Variants in ZBTB39 observed in about 807,000 individuals in gnomAD.
ZBTB39 encodes zinc finger and BTB domain-containing protein 39.
In ZBTB39, 25 loss-of-function variants were observed where a neutral mutation model predicts 39.4. The ratio of observed to expected loss-of-function variants is 0.63; its 90% confidence interval spans 0.46 to 0.89. The LOEUF (loss-of-function observed/expected upper bound fraction) is 0.89, where lower values mean the gene tolerates loss of function less well. ZBTB39 is among the 40% of genes least tolerant of loss of function. The pLI is 0.00. For synonymous variants in ZBTB39, 373 were observed against 359.6 expected (o/e 1.04, Z -0.42); for missense variants, 891 against 909.7 (o/e 0.98, Z 0.26).
At position 57,001,944 on chromosome 12, in the gene ZBTB39, A is replaced by C. The variant is rs1456494583; in HGVS notation, c.*835T>G. The C allele has an allele frequency of 6.6e-6, 1 of 152,522 alleles. No homozygotes were observed. Among genetic ancestry groups the C allele is most frequent in the African/African-American group, 2.4e-5 (1 of 41,388 alleles). The allele number at this position is 152,522 out of a possible 1,614,324, so 9.4% of individuals were successfully genotyped here. A position where few individuals can be genotyped will look rare whatever the true frequency, so the allele number is the denominator to read the frequency against. On this transcript the variant is annotated 3_prime_UTR_variant, in exon 2 of 2. Coordinates refer to ENST00000300101, the MANE Select transcript of ZBTB39 (RefSeq NM_014830.3). ...ACTCATGGCCAACAGAAGTGGCCAA[A>C]ACAGATGACTATATCAAAGTGGTTC... is the stretch of plus-strand genomic sequence containing the variant.
Position 57,003,884 on chromosome 12 carries a change from C to T in ZBTB39, c.1034G>A (p.Cys345Tyr). The T allele has an allele frequency of 6.2e-7, 1 of 1,614,232 alleles. No individual in the cohort carries two copies. Among genetic ancestry groups the T allele is most frequent in the Non-Finnish European group, 8.5e-7 (1 of 1,180,046 alleles). Residue 345 changes from cysteine (C) to tyrosine (Y), a missense_variant, in exon 2 of 2, where the codon TGC (cysteine) becomes TAC (tyrosine). By Grantham distance (194) the Cys-to-Tyr change is radical. Transcript: ENST00000300101. The surrounding 1 kb of genome is among the most constrained non-coding windows in gnomAD (Gnocchi z 4.8). The part of the protein sequence containing the change: ...NDNRENKAMP[C>Y]QVCKKVLEPN... ...CTCTAGAACTTTCTTGCACACCTGG[C>T]AGGGCATGGCCTTATTCTCCCGATT...
chr12:57,003,916 C>T lies in ZBTB39; in HGVS notation c.1002G>A (p.Glu334=). The T allele has an allele frequency of 6.2e-7, 1 of 1,614,226 alleles. No homozygotes were observed. Residue 334 remains glutamate, a synonymous_variant, in exon 2 of 2, where the codon GAG becomes GAA. Coordinates refer to ENST00000300101, the MANE Select transcript of ZBTB39 (RefSeq NM_014830.3). This position sits in a 1 kb window ranked among gnomAD's most constrained non-coding sequence, Gnocchi z 4.8. ...DDSEDELAFG[E]NDNRENKAMP... ...TGGCCTTATTCTCCCGATTGTCATTCTCTCCAAAAGCCAACTCATCCTCAC... is the reference window on the plus strand; with the variant it reads ...TGGCCTTATTCTCCCGATTGTCATTTTCTCCAAAAGCCAACTCATCCTCAC...
At position 57,004,630 on chromosome 12, in the gene ZBTB39, C is replaced by T; in HGVS notation, c.288G>A (p.Leu96=). 2 of 1,614,236 alleles carry T rather than the reference C, an allele frequency of 1.2e-6. No homozygotes were observed. The highest frequency in any genetic ancestry group is 1.7e-6 in the Non-Finnish European group (2 of 1,180,046). The change falls in exon 2 of 2, where the codon CTG becomes CTA. Residue 96 remains leucine, a synonymous_variant. Coordinates refer to ENST00000300101, the MANE Select transcript of ZBTB39 (RefSeq NM_014830.3). ...FVYTSELFTD[L]INVGVIYEVA... is the part of the protein sequence containing the mutation. ...CCTCGTAGATGACCCCAACATTGAT[C>T]AGGTCTGTGAAGAGTTCTGAAGTGT...
chr12:57,000,003 G>A lies in ZBTB39; in HGVS notation c.*2776C>T, dbSNP rs762001241. The A allele has an allele frequency of 6.6e-6, 1 of 152,146 alleles. No individual in the cohort carries two copies. The highest frequency in any genetic ancestry group is 2.4e-5 in the African/African-American group (1 of 41,408). The allele number at this position is 152,146 out of a possible 1,614,324, so 9.4% of individuals were successfully genotyped here. A position where few individuals can be genotyped will look rare whatever the true frequency, so the allele number is the denominator to read the frequency against. ...AGGGAGCAACAAAATCAAATGAACA[G>A]AAAGTCAAAACAATTAAAAATGCAA... On this transcript the variant is annotated 3_prime_UTR_variant, in exon 2 of 2. Transcript: ENST00000300101.
At position 57,003,555 on chromosome 12, in the gene ZBTB39, C is replaced by G. The variant is rs966413721; in HGVS notation, c.1363G>C (p.Ala455Pro). 1 of 1,614,010 alleles carries G rather than the reference C, an allele frequency of 6.2e-7. No homozygotes were observed. The highest frequency in any genetic ancestry group is 1.3e-5 in the African/African-American group (1 of 74,928). Reference sequence around the variant, plus strand: ...TCTTTGGCCAATACTTTCCCACAGGCAGCGCATTTCAGCTCTGGGGAGGCT... The same window carrying G: ...TCTTTGGCCAATACTTTCCCACAGGGAGCGCATTTCAGCTCTGGGGAGGCT... ...GAASPELKCA[A>P]CGKVLAKDFH... Residue 455 changes from alanine to proline, a missense_variant, in exon 2 of 2, where the codon GCC becomes CCC. Physicochemically the swap from Ala to Pro is conservative, Grantham distance 27 (BLOSUM62 -1). Transcript: ENST00000300101. This position sits in a 1 kb window ranked among gnomAD's most constrained non-coding sequence, Gnocchi z 4.8.
chr12:57,004,624 A>T lies in ZBTB39; in HGVS notation c.294T>A (p.Asn98Lys). 6.2e-7 allele frequency: 1 copy of T among 1,614,166 alleles called. No homozygotes were observed. Among genetic ancestry groups the T allele is most frequent in the Non-Finnish European group, 8.5e-7 (1 of 1,180,032 alleles). ...CAGCTACCTCGTAGATGACCCCAAC[A>T]TTGATCAGGTCTGTGAAGAGTTCTG... ...YTSELFTDLI[N>K]VGVIYEVAER... The change falls in exon 2 of 2, where the codon AAT becomes AAA. Residue 98 changes from asparagine to lysine, a missense_variant. Transcript: ENST00000300101.
In ZBTB39 at chr12:57,002,792, T is replaced by C; in HGVS notation, c.2126A>G (p.Asn709Ser). ...YIIHSKEADK[N>S]PDS ...GCCGGGACCCAGTCAACTGTCCGGG[T>C]TCTTATCCGCCTCTTTGGAATGGAT... is the stretch of plus-strand genomic sequence containing the variant. The change falls in exon 2 of 2, where the codon AAC (asparagine) becomes AGC (serine). Residue 709 changes from asparagine to serine, a missense_variant. Transcript: ENST00000300101. 1.9e-6 allele frequency: 3 copies of C among 1,613,616 alleles called. No homozygotes were observed. The highest frequency in any genetic ancestry group is 2.5e-6 in the Non-Finnish European group (3 of 1,179,592).
chr12:57,004,457 T>A lies in ZBTB39; in HGVS notation c.461A>T (p.His154Leu). The A allele has an allele frequency of 1.2e-6, 2 of 1,614,184 alleles. No homozygotes were observed. The highest frequency in any genetic ancestry group is 1.7e-6 in the Non-Finnish European group (2 of 1,180,032). The change falls in exon 2 of 2, where the codon CAT becomes CTT. Residue 154 changes from histidine (H) to leucine (L), a missense_variant. His to Leu is a moderately conservative substitution (Grantham distance 99, BLOSUM62 -3). Coordinates refer to ENST00000300101, the MANE Select transcript of ZBTB39 (RefSeq NM_014830.3). ...ACCACCTCGGAGTTCTCCAAGGGGA[T>A]GGGCAGGTTCTGCCGAAGGACAACT... The part of the protein sequence containing the change: ...TLSCPSAEPA[H>L]PLGELRGGGD...
At chr12:57,006,282 CG>C in intron 1 of ZBTB39, 122 bp downstream of exon 1, 1 of 152,858 alleles carries the variant, frequency 6.5e-6, no homozygotes, top group South Asian at 1.8e-4. Flanking sequence ...GGTCGGCGCG[CG>C]GGCGGGGAGG....
Position 57,004,433 on chromosome 12 carries a change from C to T in ZBTB39, c.485G>A (p.Gly162Asp), listed in dbSNP as rs751932073. 1 of 1,614,216 alleles carries T rather than the reference C, an allele frequency of 6.2e-7. No individual in the cohort carries two copies. The highest frequency in any genetic ancestry group is 1.7e-5 in the Admixed American group (1 of 60,028). The change falls in exon 2 of 2, where the codon GGT (glycine) becomes GAT (aspartate). Residue 162 changes from glycine (G) to aspartate (D), a missense_variant. Gly to Asp is a moderately conservative substitution (Grantham distance 94, BLOSUM62 -1). Coordinates refer to ENST00000300101, the MANE Select transcript of ZBTB39 (RefSeq NM_014830.3). Reference sequence around the variant, plus strand: ...TCTATCAGCACCAAGGTAGTCCCCACCACCTCGGAGTTCTCCAAGGGGATG... The same window carrying T: ...TCTATCAGCACCAAGGTAGTCCCCATCACCTCGGAGTTCTCCAAGGGGATG... Reference protein sequence around the residue: ...PAHPLGELRGGGDYLGADRNY... With the variant: ...PAHPLGELRGDGDYLGADRNY...
Position 56,999,037 on chromosome 12 carries a change from G to C in ZBTB39, c.*3742C>G, listed in dbSNP as rs1163822722. 6.6e-6 allele frequency: 1 copy of C among 152,606 alleles called. No homozygotes were observed. Among genetic ancestry groups the C allele is most frequent in the Non-Finnish European group, 1.5e-5 (1 of 68,032 alleles). The allele number at this position is 152,606 out of a possible 1,614,324, so 9.5% of individuals were successfully genotyped here. On this transcript the variant is annotated 3_prime_UTR_variant, in exon 2 of 2. Coordinates refer to ENST00000300101, the MANE Select transcript of ZBTB39 (RefSeq NM_014830.3). ...CTTATTAATTTAATGGAAGGAGTTAGACGTCAACAACTCTTCTCTGTTTCA... is the reference window on the plus strand; with the variant it reads ...CTTATTAATTTAATGGAAGGAGTTACACGTCAACAACTCTTCTCTGTTTCA...
chr12:57,003,368 A>C lies in ZBTB39; in HGVS notation c.1550T>G (p.Phe517Cys), dbSNP rs1210532925. ...VFSCSVCANS[F>C]VDWHLLEKHM... is the part of the protein sequence containing the mutation. ...CTTCTCTAGAAGATGCCAGTCCACA[A>C]AGCTGTTCGCACAGACAGAACAGGA... The change falls in exon 2 of 2, where the codon TTT (phenylalanine) becomes TGT (cysteine). Residue 517 changes from phenylalanine (F) to cysteine (C), a missense_variant. Physicochemically the swap from Phe to Cys is radical, Grantham distance 205. Coordinates refer to ENST00000300101, the MANE Select transcript of ZBTB39 (RefSeq NM_014830.3). The surrounding 1 kb of genome is among the most constrained non-coding windows in gnomAD (Gnocchi z 4.8). 1.2e-6 allele frequency: 2 copies of C among 1,614,076 alleles called. No individual in the cohort carries two copies. Among genetic ancestry groups the C allele is most frequent in the Non-Finnish European group, 1.7e-6 (2 of 1,179,948 alleles).
chr12:57,006,049 G>C (rs370742124), intron 1 of ZBTB39, among the ~76,000 whole-genome samples: 5 of 152,336 alleles, frequency 3.3e-5, no homozygotes, highest in African/African-American at 1.2e-4. Flanking sequence ...GGGAGAGGGG[G>C]AAGCTGGGAA....
In ZBTB39 at chr12:57,003,285, G is replaced by C. The variant is rs1179837525; in HGVS notation, c.1633C>G (p.Gln545Glu). 1.9e-6 allele frequency: 3 copies of C among 1,614,192 alleles called. No individual in the cohort carries two copies. Among genetic ancestry groups the C allele is most frequent in the East Asian group, 2.2e-5 (1 of 44,892 alleles). The change falls in exon 2 of 2, where the codon CAG becomes GAG. Residue 545 changes from glutamine (Q) to glutamate (E), a missense_variant. Transcript: ENST00000300101. The surrounding 1 kb of genome is among the most constrained non-coding windows in gnomAD (Gnocchi z 4.8). ...DALFHCRLCS[Q>E]SFKSEAAYRY... Reference sequence around the variant, plus strand: ...TAGGCAGCCTCTGACTTGAAGCTCTGGCTGCACAAGCGGCAGTGGAAGAGG... The same window carrying C: ...TAGGCAGCCTCTGACTTGAAGCTCTCGCTGCACAAGCGGCAGTGGAAGAGG...
chr12:56,998,936 TG>T lies in ZBTB39; in HGVS notation c.*3842del, dbSNP rs781627879. 5.9e-5 allele frequency: 9 copies of T among 152,592 alleles called. No individual in the cohort carries two copies. Among genetic ancestry groups the T allele is most frequent in the Non-Finnish European group, 1.3e-4 (9 of 68,032 alleles). 9.5% of individuals were successfully genotyped at this position (152,592 alleles called of 1,614,324 possible). A position where few individuals can be genotyped will look rare whatever the true frequency, so the allele number is the denominator to read the frequency against. On this transcript the variant is annotated 3_prime_UTR_variant, in exon 2 of 2. Coordinates refer to ENST00000300101, the MANE Select transcript of ZBTB39 (RefSeq NM_014830.3). ...ACAATGATTTTAGACATCTACTATT[TG>T]GGGAAAAAAGTTTACAAAATATACA... is the stretch of plus-strand genomic sequence containing the variant.
chr12:57,005,060 C>A (rs959336949), intron 1 of ZBTB39, 99 bp from the exon 2 acceptor site: 1 of 854,778 alleles, frequency 1.2e-6, no homozygotes, highest in African/African-American at 1.7e-5. Flanking sequence ...CTTCCAAGCC[C>A]CAGGTAGGGA....
In ZBTB39 at chr12:57,003,130, C is replaced by A. The variant is rs1268060079; in HGVS notation, c.1788G>T (p.Leu596=). ...ACTTGCTGTTCCCAGGTTGGCCCTG[C>A]AGCGCCAGCTCTTCACCCAGAAACT... ...AEEFLGEELA[L]QGQPGNSKYS... is the part of the protein sequence containing the mutation. Residue 596 remains leucine, a synonymous_variant, in exon 2 of 2, where the codon CTG becomes CTT. Coordinates refer to ENST00000300101, the MANE Select transcript of ZBTB39 (RefSeq NM_014830.3). This position sits in a 1 kb window ranked among gnomAD's most constrained non-coding sequence, Gnocchi z 4.8. The A allele has an allele frequency of 8.1e-6, 13 of 1,614,042 alleles. No homozygotes were observed. The highest frequency in any genetic ancestry group is 1.1e-5 in the Non-Finnish European group (13 of 1,180,056).
At chr12:57,005,109 C>A in intron 1 of ZBTB39, 148 bp from the exon 2 acceptor site, 1 of 577,960 alleles carries the variant, frequency 1.7e-6, no homozygotes, top group Non-Finnish European at 3.0e-6. Flanking sequence ...TCCATTATGA[C>A]AAGGCAATGA....
Position 57,002,852 on chromosome 12 carries a change from G to C in ZBTB39, c.2066C>G (p.Pro689Arg), listed in dbSNP as rs980923889. 7 of 1,614,074 alleles carry C rather than the reference G, an allele frequency of 4.3e-6. No homozygotes were observed. The highest frequency in any genetic ancestry group is 4.0e-5 in the African/African-American group (3 of 74,926). Reference sequence around the variant, plus strand: ...GAAGGTCTGCTCGATGGTGAAGTCAGGGGGGAGGCTGCCTTTGTGCACACC... The same window carrying C: ...GAAGGTCTGCTCGATGGTGAAGTCACGGGGGAGGCTGCCTTTGTGCACACC... ...HVGVHKGSLP[P>R]DFTIEQTFMY... Residue 689 changes from proline (P) to arginine (R), a missense_variant, in exon 2 of 2, where the codon CCT becomes CGT. By Grantham distance (103) the Pro-to-Arg change is moderately radical (BLOSUM62 -2). Coordinates refer to ENST00000300101, the MANE Select transcript of ZBTB39 (RefSeq NM_014830.3).
Sources: gnomAD v4.1 joint callset for allele counts (sites outside exome capture counted in the v4.1 genomes callset) on GRCh38, gnomAD v4.1.1 for gene constraint, Gnocchi (gnomAD v3.1) non-coding constraint, MANE v1.5 for transcripts, NCBI Gene and HGNC (gene_info 2026-07-23, HGNC 2026-07-21) for gene names.